Variants in ADAMTSL1 observed in about 807,000 individuals in gnomAD.
The protein encoded by ADAMTSL1 is ADAMTS like 1.
A neutral mutation model predicts 201.8 loss-of-function variants in ADAMTSL1; 126 were observed. That is an observed-to-expected ratio of 0.62 (90% confidence interval 0.54 to 0.72). ADAMTSL1 has a LOEUF of 0.72. Ranked by LOEUF, ADAMTSL1 falls within the 30% of genes least tolerant of loss-of-function variation. The probability of loss-of-function intolerance (pLI) is 0.00; values close to 1 mark genes in which losing one functional copy is unlikely to be tolerated. For missense variants in ADAMTSL1, 2,679 were observed against 2,277.8 expected (o/e 1.18, Z -3.59); for synonymous variants, 1,121 against 903.4 (o/e 1.24, Z -4.32).
intron 2 of ADAMTSL1, among the ~76,000 whole-genome samples, chr9:18,214,030 C>A (rs1375972589): frequency 2.6e-5 from 4 of 152,118 alleles, no homozygotes; most frequent in Non-Finnish European, 4.4e-5. Context: ...AGCCACCGCC[C>A]CTCGCCCAAA....
intron 1 of ADAMTSL1, among the ~76,000 whole-genome samples, chr9:18,034,598 C>T (rs184429628): frequency 4.4e-4 from 67 of 152,218 alleles, no homozygotes; most frequent in African/African-American, 1.5e-3. Flanking sequence ...GTGAACTTAG[C>T]ACCAAACCTC....
intron 1 of ADAMTSL1, among the ~76,000 whole-genome samples, chr9:18,494,655 T>G (rs1822440151): frequency 6.6e-6 from 1 of 152,196 alleles, no homozygotes; most frequent in Non-Finnish European, 1.5e-5. Context: ...TAGGGCCAGT[T>G]TATGAAGCGT....
At chr9:18,871,676 C>G (rs1827877773) in intron 23 of ADAMTSL1, among the ~76,000 whole-genome samples, 1 of 152,178 alleles carries the variant, frequency 6.6e-6, no homozygotes, top group Non-Finnish European at 1.5e-5. Flanking sequence ...GCTTCTCTTA[C>G]TGACTTACCT....
At chr9:18,180,858 A>C (rs901952586) in intron 2 of ADAMTSL1, among the ~76,000 whole-genome samples, 72 of 152,322 alleles carry the variant, frequency 4.7e-4, no homozygotes, top group African/African-American at 1.6e-3. Flanking sequence ...ACAAAGCTGG[A>C]GGCATCACAC....
At chr9:18,507,164 T>G (rs1049708192) in intron 2 of ADAMTSL1, among the ~76,000 whole-genome samples, 3 of 152,230 alleles carry the variant, frequency 2.0e-5, no homozygotes, top group African/African-American at 7.2e-5. Context: ...TAAACTGTAT[T>G]AATTCTGATC....
At chr9:18,534,090 A>T (rs78495205) in intron 3 of ADAMTSL1, among the ~76,000 whole-genome samples, 3,765 of 152,304 alleles carry the variant, frequency 0.025, 141 homozygotes, top group African/African-American at 0.085. Flanking sequence ...TCATAAAAAG[A>T]TTCGAATGTT....
At chr9:18,719,528 C>A (rs1833195672) in intron 14 of ADAMTSL1, among the ~76,000 whole-genome samples, 1 of 152,070 alleles carries the variant, frequency 6.6e-6, no homozygotes, top group South Asian at 2.1e-4. Flanking sequence ...CCATAGCTGG[C>A]TAATTTTGTA....
chr9:18,360,817 G>T (rs147809125), intron 2 of ADAMTSL1: 131 of 152,234 alleles, frequency 8.6e-4, no homozygotes, highest in African/African-American at 3.1e-3. Context: ...CTCTTCTTGT[G>T]TTCTGTGACT....
At chr9:17,977,784 A>G (rs1818514734) in intron 1 of ADAMTSL1, among the ~76,000 whole-genome samples, 1 of 152,048 alleles carries the variant, frequency 6.6e-6, no homozygotes, top group African/African-American at 2.4e-5. Context: ...GTGTTCTTGA[A>G]GAAAATGTAT....
intron 2 of ADAMTSL1, among the ~76,000 whole-genome samples, chr9:18,202,085 T>C (rs1439513472): frequency 6.6e-6 from 1 of 152,182 alleles, no homozygotes; most frequent in African/African-American, 2.4e-5. Context: ...AGTGATAATG[T>C]ACTTATTATG....
At chr9:17,907,412 G>A (rs560840812) in intron 1 of ADAMTSL1, among the ~76,000 whole-genome samples, 2 of 152,164 alleles carry the variant, frequency 1.3e-5, no homozygotes, top group African/African-American at 4.8e-5. Flanking sequence ...CCCTAGGGCC[G>A]CCCGCAGCCG....
intron 4 of ADAMTSL1, among the ~76,000 whole-genome samples, 182 bp from the exon 5 acceptor site, chr9:18,622,061 C>A (rs910295893): frequency 2.0e-5 from 3 of 152,014 alleles, no homozygotes; most frequent in Non-Finnish European, 4.4e-5. Context: ...ACATCTTTAC[C>A]CATGCTACCT....
At chr9:18,331,365 C>G (rs1053911884) in intron 2 of ADAMTSL1, among the ~76,000 whole-genome samples, 2 of 152,208 alleles carry the variant, frequency 1.3e-5, no homozygotes, top group African/African-American at 4.8e-5. Flanking sequence ...GTGTGAGTAT[C>G]ATCTATCCCC....
chr9:18,280,331 G>T (rs554816111), intron 2 of ADAMTSL1, among the ~76,000 whole-genome samples: 2 of 151,968 alleles, frequency 1.3e-5, no homozygotes, highest in African/African-American at 2.4e-5. Flanking sequence ...GGGCCTAAGG[G>T]GGTGGCTTGG....
intron 27 of ADAMTSL1, among the ~76,000 whole-genome samples, chr9:18,906,347 T>C (rs1830310634): frequency 1.3e-5 from 2 of 152,116 alleles, no homozygotes; most frequent in African/African-American, 4.8e-5. Flanking sequence ...CACTTCCTTA[T>C]AGATGTCCCC....
At chr9:18,312,814 A>G (rs936312643) in intron 2 of ADAMTSL1, among the ~76,000 whole-genome samples, 8 of 152,136 alleles carry the variant, frequency 5.3e-5, no homozygotes, top group Non-Finnish European at 7.4e-5. Flanking sequence ...AATGGCAGTC[A>G]CTCTAATAGC....
intron 2 of ADAMTSL1, among the ~76,000 whole-genome samples, chr9:18,252,664 G>A (rs1263185732): frequency 6.6e-6 from 1 of 151,816 alleles, no homozygotes; most frequent in Admixed American, 6.6e-5. Flanking sequence ...TTGAGTCCAC[G>A]GATACAGAGC....
At chr9:18,659,382 T>A (rs1267580990) in intron 8 of ADAMTSL1, among the ~76,000 whole-genome samples, 1 of 152,264 alleles carries the variant, frequency 6.6e-6, no homozygotes, top group Non-Finnish European at 1.5e-5. Context: ...GAAGTACTTT[T>A]ACTCAGTTGA....
intron 2 of ADAMTSL1, among the ~76,000 whole-genome samples, chr9:18,445,935 A>T (rs1229435431): frequency 3.3e-5 from 5 of 152,182 alleles, no homozygotes; most frequent in African/African-American, 4.8e-5. Flanking sequence ...TTTAATCCTT[A>T]TAGTTACCCT....
Sources: gnomAD v4.1 joint callset for allele counts (sites outside exome capture counted in the v4.1 genomes callset) on GRCh38, gnomAD v4.1.1 for gene constraint, MANE v1.5 for transcripts, NCBI Gene and HGNC (gene_info 2026-07-23, HGNC 2026-07-21) for gene names.